DNASE1: variants seen among roughly 807,000 people sequenced by gnomAD.
DNASE1 encodes deoxyribonuclease 1.
Under a neutral mutation model 33.9 loss-of-function variants are expected in DNASE1, and 40 were observed. That is an observed-to-expected ratio of 1.18 (90% CI 0.92 to 1.54). DNASE1 has a LOEUF of 1.54. Among genes scored for constraint, DNASE1 ranks in the 40% most tolerant of loss-of-function variants. The pLI is 0.00. For synonymous variants in DNASE1, 216 were observed against 160.0 expected (o/e 1.35, Z -2.64); for missense variants, 518 against 372.6 (o/e 1.39, Z -3.21).
At chr16:3,662,547 G>C (rs1488412728), downstream of DNASE1, 2 of 556,216 alleles carry the variant, frequency 3.6e-6, no homozygotes, top group African/African-American at 3.7e-5. Flanking sequence ...GCACCCAAGT[G>C]AGCATGTGAG....
At chr16:3,619,782 A>G in intron 1 of DNASE1, among the ~76,000 whole-genome samples, 1 of 152,072 alleles carries the variant, frequency 6.6e-6, no homozygotes, top group Admixed American at 6.6e-5. Context: ...AAGTGCTGGG[A>G]TTATAGGTGT....
intron 1 of DNASE1, among the ~76,000 whole-genome samples, chr16:3,622,229 A>C (rs2041345770): frequency 1.3e-5 from 2 of 151,954 alleles, no homozygotes; most frequent in Non-Finnish European, 2.9e-5. Flanking sequence ...AAAAAAAAAA[A>C]AAACGGAGGC....
intron 1 of DNASE1, among the ~76,000 whole-genome samples, chr16:3,621,332 C>A (rs1021660447): frequency 1.4e-4 from 22 of 152,186 alleles, no homozygotes; most frequent in African/African-American, 5.3e-4. Context: ...GGTGATCCTC[C>A]TGCCTCCAAA....
intron 1 of DNASE1, among the ~76,000 whole-genome samples, chr16:3,636,936 C>T (rs1347255451): frequency 1.3e-5 from 2 of 151,622 alleles, no homozygotes; most frequent in East Asian, 3.9e-4. Flanking sequence ...CCAGCCTGAT[C>T]AACATGGCGA....
intron 4 of DNASE1, 106 bp downstream of exon 4, chr16:3,656,291 G>A: frequency 1.6e-6 from 2 of 1,244,170 alleles, no homozygotes; most frequent in Non-Finnish European, 2.3e-6. Flanking sequence ...AGAACCTGAG[G>A]CTTCAGAGCA....
downstream of DNASE1, chr16:3,663,019 C>T (rs1175686909): frequency 6.9e-7 from 1 of 1,443,928 alleles, no homozygotes; most frequent in Non-Finnish European, 9.4e-7. Context: ...AACTCCCCGG[C>T]TTCCATGGGG....
At chr16:3,657,575 G>A in intron 7 of DNASE1, 145 bp from the exon 8 acceptor site, 2 of 1,248,294 alleles carry the variant, frequency 1.6e-6, no homozygotes, top group Non-Finnish European at 2.3e-6. Flanking sequence ...TTTCCACATT[G>A]AGGGGCACAG....
At chr16:3,620,130 G>A (rs1222910797) in intron 1 of DNASE1, among the ~76,000 whole-genome samples, 1 of 151,768 alleles carries the variant, frequency 6.6e-6, no homozygotes, top group African/African-American at 2.4e-5. Flanking sequence ...TGGCCAGGCT[G>A]GTGTTGAACT....
intron 1 of DNASE1, among the ~76,000 whole-genome samples, chr16:3,647,721 A>T (rs1286375798): frequency 6.6e-6 from 1 of 152,218 alleles, no homozygotes; most frequent in African/African-American, 2.4e-5. Flanking sequence ...GTAAAATATA[A>T]GGCCAGGTGT....
intron 1 of DNASE1, among the ~76,000 whole-genome samples, chr16:3,626,352 T>C (rs1415551259): frequency 6.6e-6 from 1 of 152,174 alleles, no homozygotes; most frequent in African/African-American, 2.4e-5. Context: ...AGATAACTGC[T>C]AGACAATAGC....
rs556404353 is a variant in DNASE1, at chr16:3,624,012, G to A, written c.-1359+12006G>A. Reference sequence around the variant, plus strand: ...AGAAAACAGTATGGAGGCCAGGTGCGGTGGCTCACTACCTGTAATCCCAGC... The same window carrying A: ...AGAAAACAGTATGGAGGCCAGGTGCAGTGGCTCACTACCTGTAATCCCAGC... On this transcript the variant is annotated intron_variant and NMD_transcript_variant, in intron 1 of 11. Transcript: ENST00000570769. Among the ~76,000 whole-genome samples, 5 of 152,030 alleles carry A rather than the reference G, an allele frequency of 3.3e-5. No homozygotes were observed. In the East Asian group the frequency reaches 5.8e-4, roughly 18 times the overall value.
At chr16:3,663,345 G>A in exon 10 of DNASE1, 1 of 1,576,208 alleles carries the variant, frequency 6.3e-7, no homozygotes, top group Non-Finnish European at 8.6e-7. Context: ...AAAACCCAAA[G>A]GAAGCCCTCG....
In DNASE1 at chr16:3,654,744, C is replaced by T; in HGVS notation, c.-302C>T. The T allele has an allele frequency of 2.5e-6, 1 of 399,506 alleles. No individual in the cohort carries two copies. The highest frequency in any genetic ancestry group is 4.4e-6 in the Non-Finnish European group (1 of 226,774). The allele number at this position is 399,506 out of a possible 1,614,324, so 24.7% of individuals were successfully genotyped here. A position where few individuals can be genotyped will look rare whatever the true frequency, so the allele number is the denominator to read the frequency against. ...GCTTACAGAAAGAAACACGTGCTAGCAACCCACCTATGCGGAAAGCCACAC... is the reference window on the plus strand; with the variant it reads ...GCTTACAGAAAGAAACACGTGCTAGTAACCCACCTATGCGGAAAGCCACAC... On this transcript the variant is annotated 5_prime_UTR_variant, in exon 1 of 9. Transcript: ENST00000246949.
intron 1 of DNASE1, among the ~76,000 whole-genome samples, chr16:3,623,544 T>A (rs902118336): frequency 6.6e-6 from 1 of 152,016 alleles, no homozygotes; most frequent in Non-Finnish European, 1.5e-5. Context: ...ATAGACAACC[T>A]ATAGAATGGG....
exon 10 of DNASE1, chr16:3,664,159 C>T (rs2050766335): frequency 1.7e-6 from 2 of 1,147,416 alleles, no homozygotes; most frequent in Admixed American, 6.4e-5. Flanking sequence ...GACCCTGACC[C>T]ACTGTGCAGC....
At chr16:3,662,643 C>T (rs966743357), downstream of DNASE1, 5 of 676,120 alleles carry the variant, frequency 7.4e-6, no homozygotes, top group African/African-American at 7.1e-5. Flanking sequence ...GCTGGTTTTT[C>T]AGTTCTCAGT....
Position 3,656,832 on chromosome 16 carries a change from T to C in DNASE1, c.436+79T>C, listed in dbSNP as rs2042679691. On this transcript the variant is annotated intron_variant, in intron 5 of 8. Transcript: ENST00000246949. ...CCCCTCCTAGGGAACCTGGAATGCC[T>C]GTGTCACACACTGCCCTCCCAGTCC... The C allele has an allele frequency of 3.2e-6, 5 of 1,542,978 alleles. No homozygotes were observed. In the South Asian group the frequency reaches 4.7e-5, roughly 15 times the overall value.
rs746357378 is a variant in DNASE1 at position 3,622,862 on chromosome 16, C to T, written c.-1359+10856C>T. ...TCTTCCAGTGTTTGACTCACCTTTA[C>T]GTTCTCTTAATGATGCCTTGTAATG... On this transcript the variant is annotated intron_variant and NMD_transcript_variant, in intron 1 of 11. Transcript: ENST00000570769. Among the ~76,000 whole-genome samples, 29 of 152,278 alleles carry T rather than the reference C, an allele frequency of 1.9e-4. 1 individual carries two copies. Among genetic ancestry groups the T allele is most frequent in the Non-Finnish European group, 2.9e-4 (20 of 68,018 alleles).
chr16:3,622,089 G>A (rs183536711), intron 1 of DNASE1, among the ~76,000 whole-genome samples: 5 of 151,874 alleles, frequency 3.3e-5, no homozygotes, highest in Admixed American at 2.0e-4. Context: ...GCATGGTGGC[G>A]CACCCCTGTA....
Sources: allele counts gnomAD v4.1 joint callset (sites outside exome capture counted in the v4.1 genomes callset), GRCh38; gene constraint gnomAD v4.1.1; transcripts MANE v1.5; gene names NCBI Gene and HGNC (gene_info 2026-07-23, HGNC 2026-07-21).